The following LUZP4 variants were observed in gnomAD, a reference collection of about 807,000 sequenced individuals.
LUZP4 encodes HOM-TES-85 tumor antigen.
LUZP4 carries 11 observed loss-of-function variants against 8.5 expected under a neutral mutation model. That is an observed-to-expected ratio of 1.30 (90% CI 0.82 to 2.14). The LOEUF is 2.14. LUZP4 is among the 30% of genes most tolerant of loss of function. The probability of loss-of-function intolerance (pLI) is 0.00; values close to 1 mark genes in which losing one functional copy is unlikely to be tolerated. For missense variants in LUZP4, 276 were observed against 229.7 expected (o/e 1.20, Z -1.30); for synonymous variants, 104 against 79.4 (o/e 1.31, Z -1.65).
chrX:115,305,542 A>G (rs976576381), intron 3 of LUZP4, among the ~76,000 whole-genome samples: 1 of 111,851 alleles, frequency 8.9e-6, no homozygotes, highest in East Asian at 2.8e-4. Flanking sequence ...ATCCACTTAC[A>G]TTTATGTAGC....
At chrX:115,306,068 G>C (rs2073418748) in intron 3 of LUZP4, 137 bp from the exon 4 acceptor site, 1 of 634,781 alleles carries the variant, frequency 1.6e-6, no homozygotes. Context: ...CTAAAAACTG[G>C]TTGATAAATA....
chrX:115,303,660 C>A (rs1479537727), intron 3 of LUZP4, among the ~76,000 whole-genome samples: 1 of 111,740 alleles, frequency 8.9e-6, no homozygotes, highest in Non-Finnish European at 1.9e-5. Flanking sequence ...TTATAAAACG[C>A]CAAAATAGAT....
intron 1 of LUZP4, among the ~76,000 whole-genome samples, chrX:115,293,782 C>A (rs962609177): frequency 2.8e-5 from 3 of 108,849 alleles, no homozygotes; most frequent in East Asian, 5.8e-4. Flanking sequence ...GAAATCCTGT[C>A]TCTCCTAAAA....
rs1319778180 is a variant in LUZP4 at position 115,307,150 on chromosome X, G to A, written c.*346G>A. ...CTTGACTTAGTGTCCAGTGCCCCTT[G>A]GACATTCCAACCTGGTAGGTAAGCT... On this transcript the variant is annotated 3_prime_UTR_variant, in exon 4 of 4. Transcript: ENST00000371920. The A allele has an allele frequency of 3.5e-5, 7 of 198,537 alleles. No homozygotes were observed. Among genetic ancestry groups the A allele is most frequent in the Non-Finnish European group, 4.6e-5 (5 of 108,053 alleles). 16.4% of individuals were successfully genotyped at this position (198,537 alleles called of 1,213,427 possible).
intron 1 of LUZP4, among the ~76,000 whole-genome samples, chrX:115,295,687 C>CT (rs1388444468): frequency 4.3e-4 from 46 of 105,922 alleles, no homozygotes; most frequent in East Asian, 4.1e-3. Context: ...TATTAGAGTC[C>CT]TTTTTTTTTT....
At position 115,289,723 on chromosome X, in the gene LUZP4, C is replaced by A; in HGVS notation, c.-37C>A. The A allele has an allele frequency of 9.3e-7, 1 of 1,073,087 alleles. No individual in the cohort carries two copies. 88.4% of individuals were successfully genotyped at this position (1,073,087 alleles called of 1,213,427 possible). A position where few individuals can be genotyped will look rare whatever the true frequency, so the allele number is the denominator to read the frequency against. Reference sequence around the variant, plus strand: ...CGCGGTGAGGGGGTGGTACACGCGCCCTACCTCGGAGTGTGTGGCGCCATG... The same window carrying A: ...CGCGGTGAGGGGGTGGTACACGCGCACTACCTCGGAGTGTGTGGCGCCATG... On this transcript the variant is annotated 5_prime_UTR_variant, in exon 1 of 4. Transcript: ENST00000371920.
At chrX:115,297,111 G>A (rs939052888) in intron 1 of LUZP4, among the ~76,000 whole-genome samples, 2 of 111,366 alleles carry the variant, frequency 1.8e-5, no homozygotes, top group African/African-American at 3.3e-5. Context: ...ATCCAATTAC[G>A]CTCTTTATTT....
At chrX:115,303,445 T>G in intron 3 of LUZP4, 27 bp downstream of exon 3, 1 of 804,799 alleles carries the variant, frequency 1.2e-6, no homozygotes. Flanking sequence ...AATTAACCAA[T>G]ATTAAAAATC....
intron 1 of LUZP4, among the ~76,000 whole-genome samples, chrX:115,293,957 A>T (rs782193658): frequency 1.9e-3 from 214 of 111,175 alleles, no homozygotes; most frequent in African/African-American, 6.0e-3. Context: ...TCTCAAAAAA[A>T]AAAAATAAAA....
At chrX:115,295,174 C>T (rs2073365460) in intron 1 of LUZP4, among the ~76,000 whole-genome samples, 2 of 111,882 alleles carry the variant, frequency 1.8e-5, no homozygotes, top group South Asian at 7.5e-4. Flanking sequence ...CTCCCAGGCT[C>T]AAGCGATCCT....
rs1462560286 is a variant in LUZP4 at position 115,307,075 on chromosome X, C to T, written c.*271C>T. On this transcript the variant is annotated 3_prime_UTR_variant, in exon 4 of 4. Coordinates refer to ENST00000371920, the MANE Select transcript of LUZP4 (RefSeq NM_016383.5). ...TCAGCCTTTCCTATTGGGCCTTCCC[C>T]ACAATTAGAATATTTTGACTTAGTG... The T allele has an allele frequency of 2.9e-6, 1 of 341,980 alleles. No individual in the cohort carries two copies. Among genetic ancestry groups the T allele is most frequent in the Admixed American group, 4.6e-5 (1 of 21,608 alleles). The allele number at this position is 341,980 out of a possible 1,213,427, so 28.2% of individuals were successfully genotyped here.
intron 3 of LUZP4, among the ~76,000 whole-genome samples, chrX:115,305,582 T>C (rs781888663): frequency 8.0e-5 from 9 of 112,290 alleles, no homozygotes; most frequent in Non-Finnish European, 1.5e-4. Context: ...GGTTTCGTTA[T>C]TTCCATTTGG....
intron 1 of LUZP4, among the ~76,000 whole-genome samples, chrX:115,299,986 C>T (rs1309669124): frequency 5.4e-5 from 6 of 111,746 alleles, no homozygotes; most frequent in African/African-American, 2.0e-4. Context: ...AAATGTGGAC[C>T]AGGAGCTAGA....
intron 1 of LUZP4, among the ~76,000 whole-genome samples, chrX:115,293,300 A>G (rs2073356247): frequency 9.1e-6 from 1 of 109,299 alleles, no homozygotes; most frequent in Non-Finnish European, 1.9e-5. Context: ...CTTTTTTGAA[A>G]TGGGATCTCA....
chrX:115,302,209 A>G (rs2073400857), intron 2 of LUZP4, 86 bp downstream of exon 2: 1 of 884,982 alleles, frequency 1.1e-6, no homozygotes, highest in Non-Finnish European at 1.5e-6. Flanking sequence ...AGAATTCACA[A>G]TATTGTTCTA....
At chrX:115,301,818 C>T (rs6643955) in intron 1 of LUZP4, among the ~76,000 whole-genome samples, 174 bp from the exon 2 acceptor site, 7,781 of 111,540 alleles carry the variant, frequency 0.07, 218 homozygotes, top group Non-Finnish European at 0.097. Flanking sequence ...CCTAAGATGT[C>T]GGTACTGTTT....
chrX:115,296,937 T>G (rs998579734), intron 1 of LUZP4, among the ~76,000 whole-genome samples: 1 of 111,745 alleles, frequency 8.9e-6, no homozygotes, highest in Admixed American at 9.5e-5. Flanking sequence ...ATTATTGTAA[T>G]TGTTTATTAT....
At chrX:115,299,513 G>T (rs1357275649) in intron 1 of LUZP4, among the ~76,000 whole-genome samples, 1 of 111,501 alleles carries the variant, frequency 9.0e-6, no homozygotes, top group African/African-American at 3.3e-5. Flanking sequence ...ACAAGATGCA[G>T]TCCTTCCCAC....
chrX:115,304,899 A>G (rs1027101846), intron 3 of LUZP4, among the ~76,000 whole-genome samples: 4 of 112,052 alleles, frequency 3.6e-5, no homozygotes, highest in Admixed American at 1.9e-4. Flanking sequence ...TTACAATTCT[A>G]TTAAGCTAGT....
Sources: allele counts gnomAD v4.1 joint callset (sites outside exome capture counted in the v4.1 genomes callset), GRCh38; gene constraint gnomAD v4.1.1; transcripts MANE v1.5; gene names NCBI Gene and HGNC (gene_info 2026-07-23, HGNC 2026-07-21).